The following AKNAD1 variants were observed in gnomAD, a reference collection of about 807,000 sequenced individuals.
AKNAD1 encodes the protein AKNA domain containing 1.
Under a neutral mutation model 90.8 loss-of-function variants are expected in AKNAD1, and 67 were observed. The observed-to-expected ratio is 0.74, with a 90% CI of 0.61 to 0.90. The LOEUF (loss-of-function observed/expected upper bound fraction) is 0.90. Ranked by LOEUF, AKNAD1 falls within the 40% of genes least tolerant of loss-of-function variation. The pLI is 0.00. For synonymous variants in AKNAD1, 327 were observed against 341.4 expected (o/e 0.96, Z 0.46); for missense variants, 957 against 975.4 (o/e 0.98, Z 0.25).
intron 1 of AKNAD1, among the ~76,000 whole-genome samples, chr1:108,853,262 G>C (rs1378949081): frequency 6.6e-6 from 1 of 151,378 alleles, no homozygotes; most frequent in African/African-American, 2.4e-5. Flanking sequence ...CTCCCGAGCA[G>C]CCGGGACTAC....
chr1:108,833,972 TTATTATAA>T (rs1488845472), intron 9 of AKNAD1, among the ~76,000 whole-genome samples: 1 of 152,104 alleles, frequency 6.6e-6, no homozygotes, highest in Non-Finnish European at 1.5e-5. Flanking sequence ...TGTTTACTGC[TTATTATAA>T]TATTATAATA....
chr1:108,843,726 A>T (rs181595490), intron 5 of AKNAD1, among the ~76,000 whole-genome samples: 17 of 152,336 alleles, frequency 1.1e-4, no homozygotes, highest in Admixed American at 1.0e-3. Context: ...AGGCACATAG[A>T]TCTTAAAAAG....
chr1:108,820,593 C>CAGA lies in AKNAD1; in HGVS notation c.2200_2201insTCT (p.Arg734delinsIleTer). On this transcript the variant is annotated stop_gained and protein_altering_variant, in exon 14 of 16. Transcript: ENST00000370001. LOFTEE classifies it high-confidence loss of function. ...ACCTTTAAAGGATTTTGAATTCACTCTCTGAGAACAGATCCGTTTGGGTTT... is the reference window on the plus strand; with the variant it reads ...ACCTTTAAAGGATTTTGAATTCACTCAGATCTGAGAACAGATCCGTTTGGGTTT... The CAGA allele has an allele frequency of 6.2e-7, 1 of 1,611,756 alleles. No homozygotes were observed.
chr1:108,836,580 G>A (rs906034005), intron 7 of AKNAD1: 14 of 152,228 alleles, frequency 9.2e-5, no homozygotes, highest in African/African-American at 3.4e-4. Context: ...AGGCAAGTAA[G>A]TGCTTTGAGG....
intron 13 of AKNAD1, among the ~76,000 whole-genome samples, 161 bp from the exon 14 acceptor site, chr1:108,820,787 C>T (rs1055694784): frequency 1.1e-4 from 16 of 152,066 alleles, no homozygotes; most frequent in Admixed American, 2.6e-4. Flanking sequence ...TTTTGCTGGG[C>T]GCGGTGGCTC....
At chr1:108,824,988 C>T (rs945866290) in intron 11 of AKNAD1, among the ~76,000 whole-genome samples, 1 of 151,716 alleles carries the variant, frequency 6.6e-6, no homozygotes, top group African/African-American at 2.4e-5. Context: ...AAGCTTCCAT[C>T]TCGGTATTTC....
At chr1:108,855,568 C>A (rs1392330758) in intron 1 of AKNAD1, among the ~76,000 whole-genome samples, 2 of 152,016 alleles carry the variant, frequency 1.3e-5, no homozygotes, top group African/African-American at 4.8e-5. Flanking sequence ...AGGTGGATCA[C>A]TTGAGCTCAG....
intron 6 of AKNAD1, among the ~76,000 whole-genome samples, chr1:108,842,197 A>C (rs1455876665): frequency 1.3e-5 from 2 of 152,196 alleles, no homozygotes; most frequent in African/African-American, 4.8e-5. Context: ...GGTTCCATTA[A>C]TTTTGGAAAA....
rs1367379538 is a variant in AKNAD1, at chr1:108,817,195, A to G, written c.2250-18T>C. 6.2e-7 allele frequency: 1 copy of G among 1,613,528 alleles called. No individual in the cohort carries two copies. The highest frequency in any genetic ancestry group is 1.3e-5 in the African/African-American group (1 of 74,892). On this transcript the variant is annotated intron_variant, in intron 14 of 15. Coordinates refer to ENST00000370001, the MANE Select transcript of AKNAD1 (RefSeq NM_152763.5). ...GTTTTTTTCTGGAAGACAAAAGCAC[A>G]TTGATACTTGTGTCAAGCGCCACCC...
chr1:108,837,289 T>C, intron 7 of AKNAD1: 1 of 342,056 alleles, frequency 2.9e-6, no homozygotes, highest in Non-Finnish European at 5.2e-6. Flanking sequence ...TTGGAAGAAA[T>C]AGCTCTTCGG....
At chr1:108,835,464 G>A (rs1382581368) in intron 7 of AKNAD1, among the ~76,000 whole-genome samples, 2 of 152,074 alleles carry the variant, frequency 1.3e-5, no homozygotes, top group African/African-American at 4.8e-5. Flanking sequence ...ACAGAAGAGA[G>A]AACTGAGGCA....
At position 108,816,038 on chromosome 1, in the gene AKNAD1, A is replaced by G. The variant is rs1663583101; in HGVS notation, c.*133T>C. 7 of 957,708 alleles carry G rather than the reference A, an allele frequency of 7.3e-6. No individual in the cohort carries two copies. Among genetic ancestry groups the G allele is most frequent in the African/African-American group, 3.4e-5 (2 of 59,508 alleles). The allele number at this position is 957,708 out of a possible 1,614,324, so 59.3% of individuals were successfully genotyped here. A position where few individuals can be genotyped will look rare whatever the true frequency, so the allele number is the denominator to read the frequency against. ...TTCCTTTAAGTACTTTGTGTTACCCATTTCTTATGGTTTCTGTGTTTTCTC... is the reference window on the plus strand; with the variant it reads ...TTCCTTTAAGTACTTTGTGTTACCCGTTTCTTATGGTTTCTGTGTTTTCTC... On this transcript the variant is annotated 3_prime_UTR_variant, in exon 16 of 16. Transcript: ENST00000370001.
intron 7 of AKNAD1, chr1:108,836,999 A>C (rs1000836237): frequency 6.6e-6 from 1 of 152,314 alleles, no homozygotes; most frequent in Non-Finnish European, 1.5e-5. Flanking sequence ...TGGAAGGCCA[A>C]GCGGGCGGAT....
chr1:108,817,915 G>A (rs1475239851), intron 14 of AKNAD1, among the ~76,000 whole-genome samples: 1 of 152,160 alleles, frequency 6.6e-6, no homozygotes, highest in Admixed American at 6.5e-5. Flanking sequence ...TTCACCCCAA[G>A]GAGGCAGAAG....
chr1:108,834,661 A>G (rs12063387), intron 8 of AKNAD1, 133 bp from the exon 9 acceptor site: 111,431 of 950,610 alleles, frequency 0.12, 7,196 homozygotes, highest in African/African-American at 0.2. Flanking sequence ...AGAGAGTGCT[A>G]TGGGCCTCAT....
chr1:108,818,317 C>A (rs1465949300), intron 14 of AKNAD1, among the ~76,000 whole-genome samples: 1 of 152,168 alleles, frequency 6.6e-6, no homozygotes, highest in African/African-American at 2.4e-5. Context: ...CTCTCCCCTA[C>A]CATAGGAGCA....
chr1:108,853,101 G>A (rs1422393561), intron 1 of AKNAD1, among the ~76,000 whole-genome samples: 1 of 151,440 alleles, frequency 6.6e-6, no homozygotes, highest in Non-Finnish European at 1.5e-5. Flanking sequence ...TAGGAACTTG[G>A]GATGCAAGTA....
chr1:108,852,914 A>AG, intron 1 of AKNAD1, 147 bp from the exon 2 acceptor site: 1 of 331,756 alleles, frequency 3.0e-6, no homozygotes, highest in Non-Finnish European at 5.4e-6. Context: ...ACCCAACCTC[A>AG]ATCCACACTA....
chr1:108,828,510 G>A (rs747253119), intron 10 of AKNAD1, among the ~76,000 whole-genome samples: 1 of 151,780 alleles, frequency 6.6e-6, no homozygotes, highest in African/African-American at 2.4e-5. Flanking sequence ...CACTGTGCCC[G>A]AGATATCCTG....
Sources: allele counts gnomAD v4.1 joint callset (sites outside exome capture counted in the v4.1 genomes callset), GRCh38; gene constraint gnomAD v4.1.1; transcripts MANE v1.5; gene names NCBI Gene and HGNC (gene_info 2026-07-23, HGNC 2026-07-21).